The following GRIPAP1 variants were observed in gnomAD, a reference collection of about 807,000 sequenced individuals.
The protein encoded by GRIPAP1 is GRIP1-associated protein 1.
A neutral mutation model predicts 84.1 loss-of-function variants in GRIPAP1; 14 were observed. The ratio of observed to expected loss-of-function variants is 0.17; its 90% CI spans 0.11 to 0.26. GRIPAP1 has a LOEUF of 0.26. GRIPAP1 is among the 10% of genes least tolerant of loss of function. The pLI, the probability that GRIPAP1 is intolerant of heterozygous loss-of-function variation, is 1.00. For synonymous variants in GRIPAP1, 261 were observed against 256.8 expected, an observed-to-expected ratio of 1.02 and a Z score of -0.15; for missense variants, 518 against 674.2, an observed-to-expected ratio of 0.77 and a Z score of 2.57.
rs782219885 is a variant in GRIPAP1, at chrX:48,983,350, G to A, written c.1363C>T (p.Arg455Cys). ...SQHKEELGAV[R>C]LRHEKEVLGV... ...AGCACCTCCTTCTCATGCCGTAGACGAACTGCTCCCAGCTCTTCCTTGTGC... is the reference window on the plus strand; with the variant it reads ...AGCACCTCCTTCTCATGCCGTAGACAAACTGCTCCCAGCTCTTCCTTGTGC... The change falls in exon 16 of 26, where the codon CGT (arginine) becomes TGT (cysteine). Residue 455 changes from arginine (R) to cysteine (C), a missense_variant. Physicochemically the swap from Arg to Cys is radical, Grantham distance 180. This residue lies in a region of GRIPAP1 where 372 missense variants were observed against 458.1 expected (regional missense o/e 0.81). Coordinates refer to ENST00000376423, the MANE Select transcript of GRIPAP1 (RefSeq NM_020137.5). 5.0e-6 allele frequency: 6 copies of A among 1,211,020 alleles called. No individual in the cohort carries two copies. The highest frequency in any genetic ancestry group is 6.7e-6 in the Non-Finnish European group (6 of 894,585).
intron 13 of GRIPAP1, among the ~76,000 whole-genome samples, chrX:48,987,146 CTT>C (rs1180847647): frequency 9.6e-5 from 7 of 72,552 alleles, no homozygotes; most frequent in Admixed American, 1.7e-4. Flanking sequence ...CCATGCCCGG[CTT>C]TTTTTTTTTT....
intron 11 of GRIPAP1, 43 bp from the exon 12 acceptor site, chrX:48,988,241 TG>T (rs1557064519): frequency 1.0e-6 from 1 of 959,357 alleles, no homozygotes; most frequent in Admixed American, 2.6e-5. Flanking sequence ...CAGCCTCTCC[TG>T]GGGTGCATAT....
chrX:48,987,887 C>A lies in GRIPAP1; in HGVS notation c.949-10G>T. 8.6e-7 allele frequency: 1 copy of A among 1,165,421 alleles called. No homozygotes were observed. The highest frequency in any genetic ancestry group is 1.2e-6 in the Non-Finnish European group (1 of 857,224). ...CACTCTGGATGGATACCTGGCCCCA[C>A]GTCCACAGCAGGTGAGAGTGGGTCC... On this transcript the variant is annotated splice_polypyrimidine_tract_variant and intron_variant, in intron 12 of 25. Coordinates refer to ENST00000376423, the MANE Select transcript of GRIPAP1 (RefSeq NM_020137.5).
chrX:48,975,128 A>C, intron 25 of GRIPAP1, 27 bp downstream of exon 25: 1 of 1,196,087 alleles, frequency 8.4e-7, no homozygotes, highest in South Asian at 1.8e-5. Flanking sequence ...GGGTGAACAG[A>C]TGGGTAGGCT....
At chrX:48,991,873 G>T (rs1339387242) in intron 6 of GRIPAP1, among the ~76,000 whole-genome samples, 2 of 111,888 alleles carry the variant, frequency 1.8e-5, no homozygotes, top group Non-Finnish European at 3.8e-5. Flanking sequence ...GTCTTGCTCT[G>T]TTGCCCAGGC....
chrX:48,988,121 C>A lies in GRIPAP1; in HGVS notation c.948G>T (p.Gln316His), dbSNP rs1557064450. The change falls in exon 12 of 26, where the codon CAG (glutamine) becomes CAT (histidine). Residue 316 changes from glutamine (Q) to histidine (H), a missense_variant and splice_region_variant. Physicochemically the swap from Gln to His is conservative, Grantham distance 24 (BLOSUM62 0). Transcript: ENST00000376423. ...HAAALRALQD[Q>H]VSIQSADAQE... ...CCTGAGCCCACGCAGTACAATATAC[C>A]TGATCTTGTAGGGCCCGCAAAGCTG... The A allele has an allele frequency of 2.5e-6, 3 of 1,188,858 alleles. No individual in the cohort carries two copies. The highest frequency in any genetic ancestry group is 3.4e-6 in the Non-Finnish European group (3 of 879,514).
intron 17 of GRIPAP1, 24 bp downstream of exon 17, chrX:48,982,955 C>T (rs782347766): frequency 1.9e-6 from 2 of 1,027,550 alleles, no homozygotes; most frequent in Admixed American, 4.4e-5. Flanking sequence ...AGCCTCTGTT[C>T]CTCACCAGGC....
chrX:49,001,367 A>G (rs1378686890), intron 1 of GRIPAP1, among the ~76,000 whole-genome samples: 1 of 36,177 alleles, frequency 2.8e-5, no homozygotes, highest in Non-Finnish European at 5.0e-5. Context: ...CCCCCCCCCC[A>G]GTGAGGAACC....
rs1201100570 is a variant in GRIPAP1 at position 48,990,912 on chromosome X, A to C, written c.642+14T>G. ...TGCCTTCTGGCATTCCAGCTCCAAC[A>C]GACTCAGATTCACCTCTAAGCCTTG... On this transcript the variant is annotated intron_variant, in intron 7 of 25. Coordinates refer to ENST00000376423, the MANE Select transcript of GRIPAP1 (RefSeq NM_020137.5). The C allele has an allele frequency of 8.8e-7, 1 of 1,133,861 alleles. No individual in the cohort carries two copies. Among genetic ancestry groups the C allele is most frequent in the Non-Finnish European group, 1.2e-6 (1 of 847,049 alleles). 93.4% of individuals were successfully genotyped at this position (1,133,861 alleles called of 1,213,427 possible).
intron 21 of GRIPAP1, among the ~76,000 whole-genome samples, chrX:48,979,609 T>TTAG (rs1378514543): frequency 2.8e-5 from 3 of 107,117 alleles, no homozygotes; most frequent in Non-Finnish European, 5.8e-5. Flanking sequence ...TTTCCCAAGA[T>TTAG]TATTATTATT....
chrX:48,981,760 G>A (rs1557062298), intron 18 of GRIPAP1, 35 bp downstream of exon 18: 1 of 1,168,786 alleles, frequency 8.6e-7, no homozygotes, highest in African/African-American at 1.8e-5. Flanking sequence ...GCCCGTCACT[G>A]TCTGGAGAGA....
chrX:48,975,770 A>G (rs2064418772), intron 24 of GRIPAP1: 1 of 397,851 alleles, frequency 2.5e-6, no homozygotes, highest in Admixed American at 4.8e-5. Context: ...GCACAGGGAG[A>G]GGAAAGGAGA....
At position 48,991,427 on chromosome X, in the gene GRIPAP1, G is replaced by A. The variant is rs782239029; in HGVS notation, c.458-317C>T. 3.1e-5 allele frequency: 7 copies of A among 225,661 alleles called. No homozygotes were observed. In the South Asian group the frequency reaches 9.2e-4, roughly 30 times the overall value. The allele number at this position is 225,661 out of a possible 1,213,427, so 18.6% of individuals were successfully genotyped here. On this transcript the variant is annotated intron_variant, in intron 6 of 25. Transcript: ENST00000376423. The stretch of plus-strand genomic sequence containing the variant: ...CCCAAGTAGCTGGGATCAGAGGTGT[G>A]TGCCATCATGCCGGGCTAATTTTTT...
At chrX:48,981,975 A>T (rs2064460297) in intron 17 of GRIPAP1, 103 bp from the exon 18 acceptor site, 1 of 549,590 alleles carries the variant, frequency 1.8e-6, no homozygotes, top group African/African-American at 2.3e-5. Context: ...TGCAGAAATG[A>T]CCCTCCTGCA....
chrX:48,997,266 A>G lies in GRIPAP1; in HGVS notation c.290T>C (p.Met97Thr). 8.7e-7 allele frequency: 1 copy of G among 1,154,452 alleles called. No individual in the cohort carries two copies. The highest frequency in any genetic ancestry group is 2.3e-5 in the Admixed American group (1 of 44,084). ...CACCAGCACCTTGCTGAACTCGGCC[A>G]TTAGTGTGCTGTTCTGCAAACGGAA... ...EDFRLQNSTL[M>T]AEFSKLCSQM... The change falls in exon 5 of 26, where the codon ATG (methionine) becomes ACG (threonine). Residue 97 changes from methionine (M) to threonine (T), a missense_variant. By Grantham distance (81) the Met-to-Thr change is moderately conservative. Transcript: ENST00000376423.
intron 2 of GRIPAP1, 40 bp from the exon 3 acceptor site, chrX:48,999,339 G>T: frequency 8.7e-7 from 1 of 1,153,216 alleles, no homozygotes; most frequent in Non-Finnish European, 1.2e-6. Context: ...CTCAGCCAGT[G>T]GCAAGAAACT....
At chrX:48,991,261 C>A (rs1557065487) in intron 6 of GRIPAP1, 151 bp from the exon 7 acceptor site, 6 of 446,472 alleles carry the variant, frequency 1.3e-5, no homozygotes, top group Non-Finnish European at 2.3e-5. Context: ...AGGTTCAGCT[C>A]TATCCATGCC....
At position 48,983,110 on chromosome X, in the gene GRIPAP1, G is replaced by A. The variant is rs782715420; in HGVS notation, c.1486-18C>T. 37 of 1,153,012 alleles carry A rather than the reference G, an allele frequency of 3.2e-5. 1 individual carries two copies. Among genetic ancestry groups the A allele is most frequent in the Non-Finnish European group, 4.3e-5 (36 of 842,390 alleles). On this transcript the variant is annotated intron_variant, in intron 16 of 25. Transcript: ENST00000376423. Reference sequence around the variant, plus strand: ...GTCCGGGCCTGGGATGGGGCAGACTGTCATGGGCCAGGAAGGCAGAGGAGC... The same window carrying A: ...GTCCGGGCCTGGGATGGGGCAGACTATCATGGGCCAGGAAGGCAGAGGAGC...
At position 48,978,336 on chromosome X, in the gene GRIPAP1, C is replaced by T. The variant is rs2064434042; in HGVS notation, c.2030G>A (p.Arg677Gln). The change falls in exon 22 of 26, where the codon CGG becomes CAG. Residue 677 changes from arginine (R) to glutamine (Q), a missense_variant. Physicochemically the swap from Arg to Gln is conservative, Grantham distance 43. Coordinates refer to ENST00000376423, the MANE Select transcript of GRIPAP1 (RefSeq NM_020137.5). ...TGGAACAGCCGAGCTCTCCTTTTCC[C>T]GCAAGATCTCCCGGTAGCTGAAGGA... ...ISSFSYREIL[R>Q]EKESSAVPAR... 4.1e-6 allele frequency: 5 copies of T among 1,209,282 alleles called. No individual in the cohort carries two copies. Among genetic ancestry groups the T allele is most frequent in the South Asian group, 3.5e-5 (2 of 56,398 alleles).
Sources: allele counts gnomAD v4.1 joint callset (sites outside exome capture counted in the v4.1 genomes callset), GRCh38; gene constraint gnomAD v4.1.1; regional missense constraint gnomAD v4.1.1; transcripts MANE v1.5; gene names NCBI Gene and HGNC (gene_info 2026-07-23, HGNC 2026-07-21).